The following RAB3IP variants were observed in gnomAD, a reference collection of about 807,000 sequenced individuals.
RAB3IP encodes the protein RAB3A interacting protein, also known as rab-3A-interacting protein.
In RAB3IP, 36 loss-of-function variants were observed where a neutral mutation model predicts 59.1. That is an observed-to-expected ratio of 0.61 (90% CI 0.47 to 0.80). RAB3IP has a LOEUF of 0.80. Ranked by LOEUF, RAB3IP falls within the 30% of genes least tolerant of loss-of-function variation. The pLI is 0.00. For synonymous variants in RAB3IP, 207 were observed against 191.2 expected, an observed-to-expected ratio of 1.08 and a Z score of -0.68; for missense variants, 511 against 536.0, an observed-to-expected ratio of 0.95 and a Z score of 0.46.
intron 8 of RAB3IP, 134 bp from the exon 9 acceptor site, chr12:69,812,643 GC>G (rs1880610911): frequency 6.4e-6 from 4 of 628,746 alleles, no homozygotes; most frequent in South Asian, 4.1e-5. Context: ...CTTTAGCCCA[GC>G]ATCTAGAACG....
intron 8 of RAB3IP, among the ~76,000 whole-genome samples, chr12:69,806,390 CTTCT>C (rs1488554678): frequency 1.3e-5 from 2 of 151,820 alleles, no homozygotes; most frequent in African/African-American, 4.8e-5. Context: ...TCTCTCTTTT[CTTCT>C]TTATTAGTCT....
intron 3 of RAB3IP, among the ~76,000 whole-genome samples, chr12:69,783,060 A>G (rs1391522126): frequency 2.6e-5 from 4 of 152,178 alleles, no homozygotes; most frequent in Admixed American, 6.5e-5. Flanking sequence ...TTTCCCTTGT[A>G]GGTGACTTGG....
At chr12:69,757,219 G>C (rs1225433738) in intron 3 of RAB3IP, among the ~76,000 whole-genome samples, 1 of 152,076 alleles carries the variant, frequency 6.6e-6, no homozygotes, top group Non-Finnish European at 1.5e-5. Flanking sequence ...AAAATTTATA[G>C]AATGAAATGC....
chr12:69,810,873 TA>T (rs1880338768), intron 8 of RAB3IP, among the ~76,000 whole-genome samples: 1 of 152,152 alleles, frequency 6.6e-6, no homozygotes, highest in Non-Finnish European at 1.5e-5. Flanking sequence ...GGACTAGAGT[TA>T]TAGAGATTTA....
At chr12:69,809,491 G>A (rs983182143) in intron 8 of RAB3IP, among the ~76,000 whole-genome samples, 10 of 152,226 alleles carry the variant, frequency 6.6e-5, no homozygotes, top group Admixed American at 3.3e-4. Flanking sequence ...ATCCTGCAGA[G>A]TGTTTTCCAA....
chr12:69,802,371 G>C (rs1878534437), intron 8 of RAB3IP, among the ~76,000 whole-genome samples: 1 of 151,940 alleles, frequency 6.6e-6, no homozygotes, highest in Non-Finnish European at 1.5e-5. Flanking sequence ...TCTTTCATAT[G>C]TGAGTCTTAC....
chr12:69,744,409 A>T (rs1301786107), intron 1 of RAB3IP, among the ~76,000 whole-genome samples: 1 of 152,100 alleles, frequency 6.6e-6, no homozygotes, highest in Non-Finnish European at 1.5e-5. Flanking sequence ...ATCTCTACAC[A>T]TGTCAGGTTG....
chr12:69,819,785 C>G lies in RAB3IP; in HGVS notation c.*4339C>G, dbSNP rs554125695. On this transcript the variant is annotated 3_prime_UTR_variant, in exon 11 of 11. Coordinates refer to ENST00000247833, the MANE Select transcript of RAB3IP (RefSeq NM_022456.5). ...AGAGCCTGGCCTAATGGAGACAGCT[C>G]TGGATTGGGAGTCACTTAGACCTAC... 1 of 152,174 alleles carries G rather than the reference C, an allele frequency of 6.6e-6. No individual in the cohort carries two copies. The highest frequency in any genetic ancestry group is 1.5e-5 in the Non-Finnish European group (1 of 68,042). 9.4% of individuals were successfully genotyped at this position (152,174 alleles called of 1,614,324 possible).
chr12:69,788,462 T>C (rs184333367), intron 4 of RAB3IP, among the ~76,000 whole-genome samples: 320 of 152,272 alleles, frequency 2.1e-3, no homozygotes, highest in African/African-American at 7.4e-3. Context: ...GGTATAATTT[T>C]ATGGGACCAC....
chr12:69,810,633 A>G (rs978824710), intron 8 of RAB3IP, among the ~76,000 whole-genome samples: 1 of 143,942 alleles, frequency 6.9e-6, no homozygotes, highest in African/African-American at 2.5e-5. Flanking sequence ...AAGGATGGTC[A>G]GTGTATGGAG....
At chr12:69,802,691 G>T (rs1321705019) in intron 8 of RAB3IP, among the ~76,000 whole-genome samples, 2 of 152,222 alleles carry the variant, frequency 1.3e-5, no homozygotes. Flanking sequence ...GAAGCCAGAA[G>T]AGGAAAAGAC....
intron 3 of RAB3IP, among the ~76,000 whole-genome samples, chr12:69,784,403 GAAA>G (rs1199163727): frequency 6.7e-6 from 1 of 150,236 alleles, no homozygotes; most frequent in Non-Finnish European, 1.5e-5. Flanking sequence ...AAAGTTAAAG[GAAA>G]AAAAGAAGTC....
Position 69,765,343 on chromosome 12 carries a change from G to T in RAB3IP, c.510+8680G>T, listed in dbSNP as rs896559013. Among the ~76,000 whole-genome samples, 5 of 152,064 alleles carry T rather than the reference G, an allele frequency of 3.3e-5. No individual in the cohort carries two copies. The South Asian group carries it at 1.0e-3, about 32-fold the overall frequency. The stretch of plus-strand genomic sequence containing the variant: ...GCCTAATTTCTTTAGCGTTTTTATC[G>T]TGAAAGGATGTTGGATCTTATTGAA... On this transcript the variant is annotated intron_variant, in intron 3 of 10. Coordinates refer to ENST00000247833, the MANE Select transcript of RAB3IP (RefSeq NM_022456.5).
At chr12:69,768,563 T>G (rs990438841) in intron 3 of RAB3IP, among the ~76,000 whole-genome samples, 3 of 152,130 alleles carry the variant, frequency 2.0e-5, no homozygotes, top group African/African-American at 7.2e-5. Flanking sequence ...GATTTCTCCC[T>G]GGGGTGGAGT....
At chr12:69,805,129 C>T (rs1040763767) in intron 8 of RAB3IP, among the ~76,000 whole-genome samples, 6 of 152,220 alleles carry the variant, frequency 3.9e-5, no homozygotes, top group Non-Finnish European at 7.3e-5. Flanking sequence ...TACCCATGAG[C>T]ATTGAATGTT....
rs138194807 is a variant in RAB3IP, at chr12:69,800,271, G to T, written c.951G>T (p.Thr317=). The T allele has an allele frequency of 1.8e-5, 28 of 1,594,796 alleles. No individual in the cohort carries two copies. The highest frequency in any genetic ancestry group is 2.4e-5 in the Non-Finnish European group (28 of 1,168,374). Residue 317 remains threonine, a synonymous_variant, in exon 7 of 11, where the codon ACG becomes ACT. Transcript: ENST00000247833. Reference sequence around the variant, plus strand: ...AGGATGAGCCCACAATGGACAGGACGTGTCCTTTCTTAGACAAAATCTACC... The same window carrying T: ...AGGATGAGCCCACAATGGACAGGACTTGTCCTTTCTTAGACAAAATCTACC... The part of the protein sequence containing the change: ...LWKDEPTMDR[T]CPFLDKIYQE...
At chr12:69,796,309 A>C (rs754651878) in intron 6 of RAB3IP, 36 of 164,644 alleles carry the variant, frequency 2.2e-4, no homozygotes, top group African/African-American at 9.5e-5. Flanking sequence ...TCAAAATCAT[A>C]ATAATAATAA....
chr12:69,771,588 T>A (rs1369279837), intron 3 of RAB3IP, among the ~76,000 whole-genome samples: 4 of 152,196 alleles, frequency 2.6e-5, no homozygotes, highest in African/African-American at 9.6e-5. Flanking sequence ...TCTTAGCTTT[T>A]GAGAATAGTG....
chr12:69,749,833 C>T (rs184269815), intron 1 of RAB3IP, among the ~76,000 whole-genome samples: 34 of 152,300 alleles, frequency 2.2e-4, no homozygotes, highest in African/African-American at 7.5e-4. Flanking sequence ...CTCTACTTGT[C>T]AGTCTCCTAC....
Sources: allele counts gnomAD v4.1 joint callset (sites outside exome capture counted in the v4.1 genomes callset), GRCh38; gene constraint gnomAD v4.1.1; transcripts MANE v1.5; gene names NCBI Gene and HGNC (gene_info 2026-07-23, HGNC 2026-07-21).